MUC5B: variants seen among roughly 807,000 people sequenced by gnomAD.
MUC5B encodes the protein mucin 5B, oligomeric mucus/gel-forming.
In MUC5B, 116 loss-of-function variants were observed where a neutral mutation model predicts 376.9. The ratio of observed to expected loss-of-function variants is 0.31; its 90% CI spans 0.26 to 0.36. The LOEUF (loss-of-function observed/expected upper bound fraction) is 0.36, where lower values mean the gene tolerates loss of function less well. MUC5B is among the 10% of genes least tolerant of loss of function. The probability of loss-of-function intolerance (pLI) is 1.00; values close to 1 mark genes in which losing one functional copy is unlikely to be tolerated. For synonymous variants in MUC5B, 3,517 were observed against 3,390.9 expected (o/e 1.04, Z -1.29); for missense variants, 7,165 against 7,769.9 (o/e 0.92, Z 2.93).
At position 1,230,479 on chromosome 11, in the gene MUC5B, C is replaced by T. The variant is rs1478842072; in HGVS notation, c.1360-11C>T. The T allele has an allele frequency of 1.3e-6, 2 of 1,593,276 alleles. No homozygotes were observed. Among genetic ancestry groups the T allele is most frequent in the African/African-American group, 2.7e-5 (2 of 74,498 alleles). ...GCCAGGCCCAATGCACGCGTGGGTC[C>T]TTCTCCCCAGAAATGTGCCGACAGC... On this transcript the variant is annotated splice_polypyrimidine_tract_variant and intron_variant, in intron 11 of 48. Coordinates refer to ENST00000529681, the MANE Select transcript of MUC5B (RefSeq NM_002458.3).
In MUC5B at chr11:1,231,517, G is replaced by A. The variant is rs769685537; in HGVS notation, c.1635G>A (p.Gln545=). ...QLLVQLVPLM[Q]VFVRLDPAHQ... is the part of the protein sequence containing the mutation. ...TGGTGCAGCTGGTGCCACTCATGCA[G>A]GTGTTTGTCAGGCTGGACCCCGCCC... Residue 545 remains glutamine, a synonymous_variant, in exon 14 of 49, where the codon CAG becomes CAA. Transcript: ENST00000529681. The A allele has an allele frequency of 1.0e-5, 16 of 1,601,850 alleles. No individual in the cohort carries two copies. The South Asian group carries it at 1.0e-4, about 10-fold the overall frequency.
rs751294273 is a variant in MUC5B, at chr11:1,230,492, A to G, written c.1362A>G (p.Lys454=). Residue 454 remains lysine (K), a splice_region_variant and synonymous_variant, in exon 12 of 49, where the codon AAA becomes AAG. Transcript: ENST00000529681. ...HGDCSYVLSK[K]CADSSFTVLA... is the part of the protein sequence containing the mutation. Reference sequence around the variant, plus strand: ...CACGCGTGGGTCCTTCTCCCCAGAAATGTGCCGACAGCAGCTTCACCGTGC... The same window carrying G: ...CACGCGTGGGTCCTTCTCCCCAGAAGTGTGCCGACAGCAGCTTCACCGTGC... 10 of 1,604,318 alleles carry G rather than the reference A, an allele frequency of 6.2e-6. No individual in the cohort carries two copies. The highest frequency in any genetic ancestry group is 8.5e-6 in the Non-Finnish European group (10 of 1,175,182).
chr11:1,257,629 C>A lies in MUC5B; in HGVS notation c.16369C>A (p.Pro5457Thr), dbSNP rs750155843. The A allele has an allele frequency of 1.9e-6, 3 of 1,600,496 alleles. No individual in the cohort carries two copies. The highest frequency in any genetic ancestry group is 1.6e-4 in the Middle Eastern group (1 of 6,080). The part of the protein sequence containing the change: ...KPLPCDAQGQ[P>T]PPCNRPGFVT... The stretch of plus-strand genomic sequence containing the variant: ...CCTGCCCTGTGACGCCCAGGGTCAG[C>A]CCCCGCCGTGCAACCGTCCCGGCTT... The change falls in exon 41 of 49, where the codon CCC becomes ACC. Residue 5457 changes from proline (P) to threonine (T), a missense_variant. Coordinates refer to ENST00000529681, the MANE Select transcript of MUC5B (RefSeq NM_002458.3). This position sits in a 1 kb window ranked among gnomAD's most constrained non-coding sequence, Gnocchi z 8.9.
Position 1,246,166 on chromosome 11 carries a change from C to T in MUC5B, c.9286C>T (p.Pro3096Ser), listed in dbSNP as rs1408906338. 1.2e-6 allele frequency: 2 copies of T among 1,612,866 alleles called. No homozygotes were observed. Among genetic ancestry groups the T allele is most frequent in the Admixed American group, 1.7e-5 (1 of 59,952 alleles). ...TPMATMSTIH[P>S]SSTPETTHTS... ...CATGGCCACCATGTCCACAATCCACCCCTCCTCCACTCCGGAGACCACCCA... is the reference window on the plus strand; with the variant it reads ...CATGGCCACCATGTCCACAATCCACTCCTCCTCCACTCCGGAGACCACCCA... Residue 3096 changes from proline to serine, a missense_variant, in exon 31 of 49, where the codon CCC (proline) becomes TCC (serine). By Grantham distance (74) the Pro-to-Ser change is moderately conservative. This residue lies in a region of MUC5B where 939 missense variants were observed against 770.6 expected (regional missense o/e 1.22). Transcript: ENST00000529681.
Position 1,229,728 on chromosome 11 carries a change from C to T in MUC5B, c.1141C>T (p.Pro381Ser). 1 of 1,595,584 alleles carries T rather than the reference C, an allele frequency of 6.3e-7. No individual in the cohort carries two copies. The highest frequency in any genetic ancestry group is 1.3e-5 in the African/African-American group (1 of 74,638). ...TGACATCACGCACTCTGGCTGCCTGCCCCTCGGGCAGTGCCCCTGCACCCA... is the reference window on the plus strand; with the variant it reads ...TGACATCACGCACTCTGGCTGCCTGTCCCTCGGGCAGTGCCCCTGCACCCA... ...LDDITHSGCLPLGQCPCTHGG... is the reference protein window; with the variant it reads ...LDDITHSGCLSLGQCPCTHGG... Residue 381 changes from proline to serine, a missense_variant, in exon 10 of 49, where the codon CCC becomes TCC. Around this residue, in one of 31 missense-constraint regions of MUC5B, gnomAD observed 640 missense variants for 733.0 expected, o/e 0.87. Transcript: ENST00000529681.
In MUC5B at chr11:1,234,978, TG is replaced by T. The variant is rs1590172590; in HGVS notation, c.2631-103del. 4.9e-6 allele frequency: 7 copies of T among 1,423,454 alleles called. No homozygotes were observed. The East Asian group carries it at 1.7e-4, about 35-fold the overall frequency. The allele number at this position is 1,423,454 out of a possible 1,614,324, so 88.2% of individuals were successfully genotyped here. On this transcript the variant is annotated intron_variant, in intron 21 of 48. Coordinates refer to ENST00000529681, the MANE Select transcript of MUC5B (RefSeq NM_002458.3). This position sits in a 1 kb window ranked among gnomAD's most constrained non-coding sequence, Gnocchi z 6.3. Reference sequence around the variant, plus strand: ...CACGGAGGAGGGGTCAGGCTGGGCCTGGGGAGGCTGAGGCCCCGTGCTGACC... The same window carrying T: ...CACGGAGGAGGGGTCAGGCTGGGCCTGGGAGGCTGAGGCCCCGTGCTGACC...
rs1862726937 is a variant in MUC5B at position 1,252,356 on chromosome 11, C to T, written c.14877C>T (p.Tyr4959=). Residue 4959 remains tyrosine (Y), a synonymous_variant, in exon 32 of 49, where the codon TAC becomes TAT. Coordinates refer to ENST00000529681, the MANE Select transcript of MUC5B (RefSeq NM_002458.3). Reference sequence around the variant, plus strand: ...TGTTCTTCACAGGGGAAGTCATCTACAATAAGACCGACCGAGCCGGCTGCC... The same window carrying T: ...TGTTCTTCACAGGGGAAGTCATCTATAATAAGACCGACCGAGCCGGCTGCC... ...GQFFSPGEVI[Y]NKTDRAGCHF... The T allele has an allele frequency of 6.4e-7, 1 of 1,566,914 alleles. No individual in the cohort carries two copies.
chr11:1,230,034 A>G lies in MUC5B; in HGVS notation c.1250A>G (p.Gln417Arg), dbSNP rs748311967. The G allele has an allele frequency of 1.3e-5, 21 of 1,607,326 alleles. No individual in the cohort carries two copies. The highest frequency in any genetic ancestry group is 1.8e-5 in the Non-Finnish European group (21 of 1,177,674). The part of the protein sequence containing the change: ...CTCSGGLWQC[Q>R]DLPCPGTCSV... Reference sequence around the variant, plus strand: ...TGCTCCGGGGGGCTATGGCAGTGCCAGGACCTGCCGTGCCCTGGCACCTGC... The same window carrying G: ...TGCTCCGGGGGGCTATGGCAGTGCCGGGACCTGCCGTGCCCTGGCACCTGC... Residue 417 changes from glutamine to arginine, a missense_variant, in exon 11 of 49, where the codon CAG becomes CGG. Transcript: ENST00000529681.
rs1172132984 is a variant in MUC5B, at chr11:1,257,461, C to T, written c.16270-69C>T. On this transcript the variant is annotated intron_variant, in intron 40 of 48. Coordinates refer to ENST00000529681, the MANE Select transcript of MUC5B (RefSeq NM_002458.3). This position sits in a 1 kb window ranked among gnomAD's most constrained non-coding sequence, Gnocchi z 8.9. ...GGTACCAGCCCGAGGGAGGGGGTGG[C>T]TGGACAGATGCCCAGGGTTGACCTG... The T allele has an allele frequency of 9.0e-6, 14 of 1,563,736 alleles. No homozygotes were observed. The highest frequency in any genetic ancestry group is 1.7e-4 in the Middle Eastern group (1 of 5,932).
Position 1,246,294 on chromosome 11 carries a change from G to A in MUC5B, c.9414G>A (p.Leu3138=). ...GGACGACCTGGATCCTCACAGAGCT[G>A]ACCACAGCAGCCACTACAACTGCAG... is the stretch of plus-strand genomic sequence containing the variant. ...TPGTTWILTE[L]TTAATTTAAT... is the part of the protein sequence containing the mutation. The change falls in exon 31 of 49, where the codon CTG becomes CTA. Residue 3138 remains leucine, a synonymous_variant. Transcript: ENST00000529681. 6.2e-7 allele frequency: 1 copy of A among 1,609,740 alleles called. No individual in the cohort carries two copies. The highest frequency in any genetic ancestry group is 1.1e-5 in the South Asian group (1 of 90,746).
In MUC5B at chr11:1,260,367, C is replaced by G. The variant is rs1264681125; in HGVS notation, c.16940C>G (p.Thr5647Ser). The G allele has an allele frequency of 6.2e-7, 1 of 1,612,420 alleles. No homozygotes were observed. The highest frequency in any genetic ancestry group is 8.5e-7 in the Non-Finnish European group (1 of 1,179,772). Residue 5647 changes from threonine (T) to serine (S), a missense_variant, in exon 47 of 49, where the codon ACC (threonine) becomes AGC (serine). Physicochemically the swap from Thr to Ser is moderately conservative, Grantham distance 58. Coordinates refer to ENST00000529681, the MANE Select transcript of MUC5B (RefSeq NM_002458.3). Reference protein sequence around the residue: ...VSSCRGSLRKTGCCYSCEEDS... With the variant: ...VSSCRGSLRKSGCCYSCEEDS... Reference sequence around the variant, plus strand: ...CCCCACCAGGGGAGCCTCAGGAAAACCGGCTGCTGCTACTCCTGTGAGGAG... The same window carrying G: ...CCCCACCAGGGGAGCCTCAGGAAAAGCGGCTGCTGCTACTCCTGTGAGGAG...
intron 13 of MUC5B, among the ~76,000 whole-genome samples, 163 bp from the exon 14 acceptor site, chr11:1,231,260 C>T (rs1313547041): frequency 6.6e-6 from 1 of 152,308 alleles, no homozygotes; most frequent in East Asian, 1.9e-4. Flanking sequence ...GCCCACTTGG[C>T]GGCCACAGGC....
rs375656666 is a variant in MUC5B at position 1,246,082 on chromosome 11, C to A, written c.9202C>A (p.Pro3068Thr). The A allele has an allele frequency of 3.1e-6, 5 of 1,612,858 alleles. No individual in the cohort carries two copies. The East Asian group carries it at 6.7e-5, about 22-fold the overall frequency. ...CAAATCCACAGCTACCAGCTTTACA[C>A]CCATCCCCTCCTTCACCCTTGGGAC... ...ATKSTATSFT[P>T]IPSFTLGTTG... The change falls in exon 31 of 49, where the codon CCC becomes ACC. Residue 3068 changes from proline to threonine, a missense_variant. Physicochemically the swap from Pro to Thr is conservative, Grantham distance 38 (BLOSUM62 -1). Transcript: ENST00000529681.
chr11:1,225,973 T>C (rs1861871338), intron 2 of MUC5B, among the ~76,000 whole-genome samples: 1 of 152,330 alleles, frequency 6.6e-6, no homozygotes, highest in East Asian at 1.9e-4. Flanking sequence ...GGCACATGCG[T>C]GCCCACACTT....
chr11:1,241,709 C>CT lies in MUC5B; in HGVS notation c.4829_4830insT (p.Pro1611AlafsTer26). On this transcript the variant is annotated frameshift_variant, in exon 31 of 49. Transcript: ENST00000529681. LOFTEE classifies it high-confidence loss of function. ...CACTGCAGGGGACGTGCCACAACCC[C>CT]GCCACCGACCACAGAGCTGGAGACG... is the stretch of plus-strand genomic sequence containing the variant. 6.2e-7 allele frequency: 1 copy of CT among 1,612,322 alleles called. No individual in the cohort carries two copies. Among genetic ancestry groups the CT allele is most frequent in the Non-Finnish European group, 8.5e-7 (1 of 1,179,686 alleles).
chr11:1,239,355 C>T, intron 26 of MUC5B, 83 bp from the exon 27 acceptor site: 1 of 1,508,246 alleles, frequency 6.6e-7, no homozygotes, highest in South Asian at 1.3e-5. Flanking sequence ...ACACCGGCCC[C>T]CACGCCCGGG....
rs200874675 is a variant in MUC5B at position 1,246,342 on chromosome 11, G to C, written c.9462G>C (p.Pro3154=). 1 of 1,600,524 alleles carries C rather than the reference G, an allele frequency of 6.2e-7. No individual in the cohort carries two copies. The highest frequency in any genetic ancestry group is 1.7e-5 in the Admixed American group (1 of 59,132). The part of the protein sequence containing the change: ...TTAATGPTAT[P]SSTPGTTWIL... Reference sequence around the variant, plus strand: ...CAGCCACTGGCCCCACGGCCACCCCGTCCTCCACCCCAGGGACCACCTGGA... The same window carrying C: ...CAGCCACTGGCCCCACGGCCACCCCCTCCTCCACCCCAGGGACCACCTGGA... Residue 3154 remains proline, a synonymous_variant, in exon 31 of 49, where the codon CCG becomes CCC. Coordinates refer to ENST00000529681, the MANE Select transcript of MUC5B (RefSeq NM_002458.3).
At position 1,242,154 on chromosome 11, in the gene MUC5B, C is replaced by T. The variant is rs373257922; in HGVS notation, c.5274C>T (p.Ala1758=). The change falls in exon 31 of 49, where the codon GCC becomes GCT. Residue 1758 remains alanine (A), a synonymous_variant. Transcript: ENST00000529681. The part of the protein sequence containing the change: ...TLTSELSTSQ[A]ETSTPRTETT... ...CGAGCGAGCTGTCCACCTCTCAGGC[C>T]GAGACCAGCACGCCCAGGACAGAGA... is the stretch of plus-strand genomic sequence containing the variant. 1.9e-5 allele frequency: 31 copies of T among 1,613,512 alleles called. No homozygotes were observed. Among genetic ancestry groups the T allele is most frequent in the African/African-American group, 1.6e-4 (12 of 75,026 alleles).
At chr11:1,238,166 C>T (rs1470354806) in intron 25 of MUC5B, among the ~76,000 whole-genome samples, 1 of 152,156 alleles carries the variant, frequency 6.6e-6, no homozygotes. Context: ...CAGGCAGCTT[C>T]CCATGGTCAG....
Sources: allele counts gnomAD v4.1 joint callset (sites outside exome capture counted in the v4.1 genomes callset), GRCh38; gene constraint gnomAD v4.1.1; regional missense constraint gnomAD v4.1.1; non-coding constraint Gnocchi (gnomAD v3.1); transcripts MANE v1.5; gene names NCBI Gene and HGNC (gene_info 2026-07-23, HGNC 2026-07-21).